The following MT1F variants were observed in gnomAD, a reference collection of about 807,000 sequenced individuals.
The protein encoded by MT1F is metallothionein 1F, also known as metallothionein-1F.
Under a neutral mutation model 5.4 loss-of-function variants are expected in MT1F, and 6 were observed. The ratio of observed to expected loss-of-function variants is 1.11; its 90% CI spans 0.61 to 2.19. The LOEUF (loss-of-function observed/expected upper bound fraction) is 2.19, where lower values mean the gene tolerates loss of function less well. MT1F is among the 30% of genes most tolerant of loss of function. MT1F has a pLI of 0.00. For synonymous variants in MT1F, 28 were observed against 28.3 expected (o/e 0.99, Z 0.04); for missense variants, 82 against 77.0 (o/e 1.07, Z -0.24).
At chr16:56,658,195 C>G (rs2049508795) in intron 1 of MT1F, 109 bp downstream of exon 1, 1 of 1,271,024 alleles carries the variant, frequency 7.9e-7, no homozygotes, top group Non-Finnish European at 1.1e-6. Context: ...GTAGGGGACT[C>G]CTTGACTTAG....
chr16:56,658,881 C>A, intron 2 of MT1F, 141 bp downstream of exon 2: 2 of 1,211,602 alleles, frequency 1.7e-6, no homozygotes, highest in Non-Finnish European at 2.4e-6. Flanking sequence ...GTCTTCTGCC[C>A]TGTGCAGGGC....
At chr16:56,658,560 G>A in intron 1 of MT1F, 115 bp from the exon 2 acceptor site, 1 of 1,040,324 alleles carries the variant, frequency 9.6e-7, no homozygotes, top group South Asian at 1.4e-5. Flanking sequence ...AGTGGGAAAG[G>A]AGCTCTGAGG....
At position 56,659,209 on chromosome 16, in the gene MT1F, C is replaced by T; in HGVS notation, c.*45C>T. 1 of 1,591,578 alleles carries T rather than the reference C, an allele frequency of 6.3e-7. No homozygotes were observed. The highest frequency in any genetic ancestry group is 2.2e-5 in the East Asian group (1 of 44,690). On this transcript the variant is annotated 3_prime_UTR_variant, in exon 3 of 3. Coordinates refer to ENST00000334350, the MANE Select transcript of MT1F (RefSeq NM_005949.4). Reference sequence around the variant, plus strand: ...CCAGATGTAAACAGAGAGACATGTACAAACCTGGATTTTTTTTTTATACCA... The same window carrying T: ...CCAGATGTAAACAGAGAGACATGTATAAACCTGGATTTTTTTTTTATACCA...
At chr16:56,658,818 G>T in intron 2 of MT1F, 78 bp downstream of exon 2, 1 of 1,548,534 alleles carries the variant, frequency 6.5e-7, no homozygotes, top group Non-Finnish European at 8.9e-7. Context: ...CTGAGTGCAT[G>T]CTTCTGGGGA....
At chr16:56,658,922 C>T in intron 2 of MT1F, 151 bp from the exon 3 acceptor site, 1 of 1,040,334 alleles carries the variant, frequency 9.6e-7, no homozygotes, top group Non-Finnish European at 1.5e-6. Context: ...GGAAGACCCA[C>T]CCCAGATATT....
intron 1 of MT1F, 28 bp from the exon 2 acceptor site, chr16:56,658,647 C>A (rs1216441517): frequency 3.7e-6 from 6 of 1,613,580 alleles, no homozygotes; most frequent in African/African-American, 1.3e-5. Context: ...ACTCGCCGCT[C>A]ACTGGCTTTT....
chr16:56,658,388 C>A, intron 1 of MT1F: 4 of 588,854 alleles, frequency 6.8e-6, no homozygotes, highest in Non-Finnish European at 6.0e-6. Context: ...AGATAGGAGG[C>A]AGGGGACATT....
At position 56,659,234 on chromosome 16, in the gene MT1F, A is replaced by T; in HGVS notation, c.*70A>T. The T allele has an allele frequency of 1.4e-6, 2 of 1,436,492 alleles. No individual in the cohort carries two copies. Among genetic ancestry groups the T allele is most frequent in the Non-Finnish European group, 1.9e-6 (2 of 1,026,958 alleles). 89.0% of individuals were successfully genotyped at this position (1,436,492 alleles called of 1,614,324 possible). On this transcript the variant is annotated 3_prime_UTR_variant, in exon 3 of 3. Transcript: ENST00000334350. Reference sequence around the variant, plus strand: ...CAAACCTGGATTTTTTTTTTATACCACCTTGACCCATTTGCTACATTCCTT... The same window carrying T: ...CAAACCTGGATTTTTTTTTTATACCTCCTTGACCCATTTGCTACATTCCTT...
At chr16:56,658,225 C>T in intron 1 of MT1F, 139 bp downstream of exon 1, 1 of 955,966 alleles carries the variant, frequency 1.0e-6, no homozygotes, top group Non-Finnish European at 1.6e-6. Flanking sequence ...TTCCTCTTGG[C>T]CAAGATCCTG....
At chr16:56,658,804 G>C (rs1567351118) in intron 2 of MT1F, 64 bp downstream of exon 2, 7 of 1,583,792 alleles carry the variant, frequency 4.4e-6, no homozygotes, top group Non-Finnish European at 6.1e-6. Flanking sequence ...ACCCAAGGCT[G>C]GCCCTGAGTG....
rs1035214200 is a variant in MT1F, at chr16:56,658,671, G to T, written c.29-4G>T. On this transcript the variant is annotated splice_region_variant and splice_polypyrimidine_tract_variant and intron_variant, in intron 1 of 2. Coordinates refer to ENST00000334350, the MANE Select transcript of MT1F (RefSeq NM_005949.4). ...TCACTGGCTTTTTTTTCTCTTTCTC[G>T]CAGGTGTCTCCTGCACCTGCGCTGG... The T allele has an allele frequency of 3.1e-6, 5 of 1,613,508 alleles. No individual in the cohort carries two copies. The African/African-American group carries it at 4.0e-5, about 13-fold the overall frequency.
chr16:56,659,147 T>C lies in MT1F; in HGVS notation c.169T>C (p.Cys57Arg). The change falls in exon 3 of 3, where the codon TGC (cysteine) becomes CGC (arginine). Residue 57 changes from cysteine (C) to arginine (R), a missense_variant. Physicochemically the swap from Cys to Arg is radical, Grantham distance 180. Transcript: ENST00000334350. ...GCVCKGASEK[C>R]SCCD The stretch of plus-strand genomic sequence containing the variant: ...TGTTTGCAAAGGGGCGTCAGAGAAG[T>C]GCAGCTGCTGCGACTGATGCCAGGA... The C allele has an allele frequency of 6.2e-7, 1 of 1,614,144 alleles. No individual in the cohort carries two copies. Among genetic ancestry groups the C allele is most frequent in the African/African-American group, 1.3e-5 (1 of 75,042 alleles).
Position 56,658,106 on chromosome 16 carries a change from G to A in MT1F, c.28+20G>A. ...CCGCTGGTAAGGAACGCCGGGTTCC[G>A]TGCCTGGGGATGCTCGATTCCCAGA... On this transcript the variant is annotated intron_variant, in intron 1 of 2. Transcript: ENST00000334350. 4 of 1,613,952 alleles carry A rather than the reference G, an allele frequency of 2.5e-6. No homozygotes were observed. Among genetic ancestry groups the A allele is most frequent in the Non-Finnish European group, 2.5e-6 (3 of 1,179,850 alleles).
At chr16:56,658,563 C>A in intron 1 of MT1F, 112 bp from the exon 2 acceptor site, 2 of 1,084,356 alleles carry the variant, frequency 1.8e-6, no homozygotes, top group South Asian at 1.4e-5. Context: ...GGGAAAGGAG[C>A]TCTGAGGGCT....
At position 56,658,032 on chromosome 16, in the gene MT1F, G is replaced by T. The variant is rs1192951090; in HGVS notation, c.-27G>T. The T allele has an allele frequency of 1.2e-6, 2 of 1,613,416 alleles. No homozygotes were observed. Among genetic ancestry groups the T allele is most frequent in the African/African-American group, 2.7e-5 (2 of 74,914 alleles). On this transcript the variant is annotated 5_prime_UTR_variant, in exon 1 of 3. Coordinates refer to ENST00000334350, the MANE Select transcript of MT1F (RefSeq NM_005949.4). The stretch of plus-strand genomic sequence containing the variant: ...CCACTGCTTCTTCGCTTCTCTCTTG[G>T]AAAGTCCAGTCTCTCCTCGGCTTGC...
intron 2 of MT1F, 25 bp from the exon 3 acceptor site, chr16:56,659,048 C>A (rs1370232689): frequency 6.2e-7 from 1 of 1,607,686 alleles, no homozygotes; most frequent in East Asian, 2.2e-5. Context: ...TGGCTGTGAC[C>A]TCTCATGCTC....
In MT1F at chr16:56,658,100, G is replaced by A. The variant is rs960687190; in HGVS notation, c.28+14G>A. ...CCTGCGCCGCTGGTAAGGAACGCCG[G>A]GTTCCGTGCCTGGGGATGCTCGATT... On this transcript the variant is annotated intron_variant, in intron 1 of 2. Coordinates refer to ENST00000334350, the MANE Select transcript of MT1F (RefSeq NM_005949.4). 1.9e-6 allele frequency: 3 copies of A among 1,614,060 alleles called. No homozygotes were observed. The highest frequency in any genetic ancestry group is 2.2e-5 in the East Asian group (1 of 44,868).
chr16:56,659,157 G>A lies in MT1F; in HGVS notation c.179G>A (p.Cys60Tyr), dbSNP rs760652674. Residue 60 changes from cysteine to tyrosine, a missense_variant, in exon 3 of 3, where the codon TGC becomes TAC. Transcript: ENST00000334350. The part of the protein sequence containing the change: ...CKGASEKCSC[C>Y]D ...GGGGCGTCAGAGAAGTGCAGCTGCT[G>A]CGACTGATGCCAGGACAACCTTTCT... is the stretch of plus-strand genomic sequence containing the variant. 6.8e-6 allele frequency: 11 copies of A among 1,613,994 alleles called. No homozygotes were observed. The South Asian group carries it at 7.7e-5, about 11-fold the overall frequency.
At chr16:56,658,946 C>A in intron 2 of MT1F, 127 bp from the exon 3 acceptor site, 1 of 1,074,958 alleles carries the variant, frequency 9.3e-7, no homozygotes, top group Non-Finnish European at 1.4e-6. Flanking sequence ...CAGTTGTCTC[C>A]TGACAAAGCC....
Sources: gnomAD v4.1 joint callset for allele counts on GRCh38, gnomAD v4.1.1 for gene constraint, MANE v1.5 for transcripts, NCBI Gene and HGNC (gene_info 2026-07-23, HGNC 2026-07-21) for gene names.